STPG2: variants seen among roughly 807,000 people sequenced by gnomAD.
The protein encoded by STPG2 is sperm-tail PG-rich repeat-containing protein 2.
A neutral mutation model predicts 54.2 loss-of-function variants in STPG2; 56 were observed. The observed-to-expected ratio is 1.03, with a 90% CI of 0.83 to 1.29. The LOEUF is 1.29. Ranked by LOEUF, STPG2 falls within the 50% of genes most tolerant of loss-of-function variation. The pLI, the probability that STPG2 is intolerant of heterozygous loss-of-function variation, is 0.00. For missense variants in STPG2, 596 were observed against 544.9 expected (o/e 1.09, Z -0.93); for synonymous variants, 200 against 181.8 (o/e 1.10, Z -0.81).
At chr4:98,066,174 A>C (rs1418323391) in intron 5 of STPG2, among the ~76,000 whole-genome samples, 1 of 152,194 alleles carries the variant, frequency 6.6e-6, no homozygotes, top group Non-Finnish European at 1.5e-5. Flanking sequence ...AATTTTACAA[A>C]ATTACATATT....
chr4:97,890,791 G>T (rs1283127675), intron 8 of STPG2, among the ~76,000 whole-genome samples: 1 of 151,792 alleles, frequency 6.6e-6, no homozygotes, highest in Non-Finnish European at 1.5e-5. Context: ...TAGCACATAT[G>T]CCCCCAAAAT....
intron 5 of STPG2, among the ~76,000 whole-genome samples, chr4:98,098,767 C>G (rs1393164391): frequency 6.6e-6 from 1 of 151,944 alleles, no homozygotes; most frequent in Non-Finnish European, 1.5e-5. Context: ...CTCAAACAAC[C>G]CTATAGGGAA....
chr4:97,633,244 T>A (rs1417129210), intron 10 of STPG2, among the ~76,000 whole-genome samples: 2 of 152,100 alleles, frequency 1.3e-5, no homozygotes, highest in African/African-American at 4.8e-5. Flanking sequence ...AATACAAAAC[T>A]TTAACGTTTT....
chr4:98,062,865 T>A (rs1737706746), intron 5 of STPG2, among the ~76,000 whole-genome samples: 1 of 152,062 alleles, frequency 6.6e-6, no homozygotes, highest in Admixed American at 6.6e-5. Flanking sequence ...GAAGAATTCA[T>A]TAAACTGCCT....
chr4:97,783,726 T>C (rs956674070), intron 9 of STPG2, among the ~76,000 whole-genome samples: 21 of 152,140 alleles, frequency 1.4e-4, no homozygotes, highest in African/African-American at 4.8e-4. Context: ...ACATACCCCA[T>C]GGAATACTAT....
chr4:97,944,092 T>G, intron 7 of STPG2, 85 bp from the exon 8 acceptor site: 1 of 853,290 alleles, frequency 1.2e-6, no homozygotes, highest in Non-Finnish European at 1.9e-6. Flanking sequence ...TGCAATGAAG[T>G]TCATCAGTAT....
intron 2 of STPG2, among the ~76,000 whole-genome samples, chr4:98,133,885 C>G (rs1016937038): frequency 6.6e-6 from 1 of 151,972 alleles, no homozygotes; most frequent in African/African-American, 2.4e-5. Flanking sequence ...TCTACTATTT[C>G]TAAACATGAA....
intron 10 of STPG2, among the ~76,000 whole-genome samples, chr4:97,619,816 C>A (rs1175127178): frequency 7.0e-6 from 1 of 143,040 alleles, no homozygotes; most frequent in Non-Finnish European, 1.5e-5. Flanking sequence ...ATTATAATTT[C>A]TTTTTCTATT....
intron 4 of STPG2, among the ~76,000 whole-genome samples, chr4:97,456,236 A>G (rs948960236): frequency 6.6e-6 from 1 of 152,206 alleles, no homozygotes; most frequent in Non-Finnish European, 1.5e-5. Context: ...ACAGCTGTAC[A>G]GGAAGCATGG....
chr4:97,953,418 C>T (rs867737967), intron 7 of STPG2, among the ~76,000 whole-genome samples: 76 of 152,330 alleles, frequency 5.0e-4, no homozygotes, highest in African/African-American at 1.8e-3. Flanking sequence ...AGACTGCAAC[C>T]ACAGCTTTCA....
At chr4:97,801,772 T>C (rs573015689) in intron 9 of STPG2, among the ~76,000 whole-genome samples, 3 of 152,144 alleles carry the variant, frequency 2.0e-5, no homozygotes, top group Non-Finnish European at 2.9e-5. Context: ...CCATGACCCA[T>C]TCTCAGTTTT....
intron 5 of STPG2, among the ~76,000 whole-genome samples, chr4:98,088,432 CAAAT>C (rs1422980114): frequency 6.6e-6 from 1 of 151,904 alleles, no homozygotes; most frequent in African/African-American, 2.4e-5. Context: ...AACTAGGTGA[CAAAT>C]AAAAACAAAG....
chr4:97,744,570 C>T (rs1725366783), intron 9 of STPG2, among the ~76,000 whole-genome samples: 1 of 151,400 alleles, frequency 6.6e-6, no homozygotes, highest in Non-Finnish European at 1.5e-5. Context: ...TCAGGGGATA[C>T]TTCCTAAGAC....
chr4:97,715,753 C>T (rs183814098), intron 9 of STPG2, among the ~76,000 whole-genome samples: 2 of 152,042 alleles, frequency 1.3e-5, no homozygotes, highest in East Asian at 3.9e-4. Flanking sequence ...GGAAGAAAAC[C>T]TAGGCAATAC....
At chr4:97,938,142 C>T (rs1218295971) in intron 8 of STPG2, among the ~76,000 whole-genome samples, 1 of 152,206 alleles carries the variant, frequency 6.6e-6, no homozygotes, top group Admixed American at 6.5e-5. Flanking sequence ...GGGTCAGGAT[C>T]TGGCCTACGA....
chr4:97,909,467 C>G (rs1731593266), intron 8 of STPG2, among the ~76,000 whole-genome samples: 1 of 151,952 alleles, frequency 6.6e-6, no homozygotes, highest in Non-Finnish European at 1.5e-5. Context: ...TATGTGGTGA[C>G]CATAACCATG....
intron 9 of STPG2, among the ~76,000 whole-genome samples, chr4:97,737,976 C>G (rs1017162703): frequency 2.0e-5 from 3 of 152,186 alleles, no homozygotes; most frequent in East Asian, 1.9e-4. Flanking sequence ...GTCGGGTTAC[C>G]CACAAAGGGA....
chr4:97,999,186 T>C (rs1030429851), intron 5 of STPG2, among the ~76,000 whole-genome samples: 1 of 152,294 alleles, frequency 6.6e-6, no homozygotes, highest in East Asian at 1.9e-4. Flanking sequence ...ACCAAGAACA[T>C]AGTATTTGCC....
chr4:97,742,702 G>A (rs537489662), intron 9 of STPG2, among the ~76,000 whole-genome samples: 12 of 150,352 alleles, frequency 8.0e-5, no homozygotes, highest in South Asian at 2.1e-4. Context: ...TTTTGCTTAC[G>A]TGTGGAATAT....
Sources: gnomAD v4.1 joint callset for allele counts (sites outside exome capture counted in the v4.1 genomes callset) on GRCh38, gnomAD v4.1.1 for gene constraint, MANE v1.5 for transcripts, NCBI Gene and HGNC (gene_info 2026-07-23, HGNC 2026-07-21) for gene names.